Variants in PTPRD observed in about 807,000 individuals in gnomAD.
The protein encoded by PTPRD is protein tyrosine phosphatase receptor type D.
A neutral mutation model predicts 214.5 loss-of-function variants in PTPRD; 34 were observed. That is an observed-to-expected ratio of 0.16 (90% CI 0.12 to 0.21). The LOEUF (loss-of-function observed/expected upper bound fraction) is 0.21. Ranked by LOEUF, PTPRD falls within the 10% of genes least tolerant of loss-of-function variation. The probability of loss-of-function intolerance (pLI) is 1.00; values close to 1 mark genes in which losing one functional copy is unlikely to be tolerated. For synonymous variants in PTPRD, 1,128 were observed against 845.7 expected (o/e 1.33, Z -5.79); for missense variants, 2,545 against 2,398.7 (o/e 1.06, Z -1.27).
intron 9 of PTPRD, among the ~76,000 whole-genome samples, chr9:9,374,885 TCCTA>T (rs1293092177): frequency 6.6e-6 from 1 of 152,176 alleles, no homozygotes; most frequent in Non-Finnish European, 1.5e-5. Context: ...GTTATTAATA[TCCTA>T]CCTGCTTATC....
intron 12 of PTPRD, among the ~76,000 whole-genome samples, chr9:8,677,354 A>T (rs1017826603): frequency 6.6e-6 from 1 of 152,212 alleles, no homozygotes; most frequent in East Asian, 1.9e-4. Context: ...AAAGAATGAG[A>T]TAATGTCCTT....
chr9:10,461,003 G>T (rs956936129), intron 2 of PTPRD, among the ~76,000 whole-genome samples: 1 of 151,966 alleles, frequency 6.6e-6, no homozygotes, highest in African/African-American at 2.4e-5. Flanking sequence ...CAAATAAGGG[G>T]TTAATATCCA....
intron 6 of PTPRD, among the ~76,000 whole-genome samples, chr9:9,751,988 T>C (rs954267169): frequency 6.6e-6 from 1 of 152,144 alleles, no homozygotes; most frequent in Non-Finnish European, 1.5e-5. Flanking sequence ...TGGTAGATTA[T>C]ACAACAACTA....
At chr9:10,016,465 T>C (rs1453872246) in intron 4 of PTPRD, among the ~76,000 whole-genome samples, 1 of 152,110 alleles carries the variant, frequency 6.6e-6, no homozygotes, top group Non-Finnish European at 1.5e-5. Context: ...ATGGTGTCTG[T>C]AAATCATCAA....
At position 10,390,743 on chromosome 9, in the gene PTPRD, G is replaced by C. The variant is rs142154232; in HGVS notation, c.-599-49726C>G. Among the ~76,000 whole-genome samples the C allele has an allele frequency of 1.9e-3, 293 of 151,874 alleles. 1 individual carries two copies. Among genetic ancestry groups the C allele is most frequent in the African/African-American group, 6.5e-3 (270 of 41,482 alleles). On this transcript the variant is annotated intron_variant, in intron 2 of 45. Coordinates refer to ENST00000381196, the MANE Select transcript of PTPRD (RefSeq NM_002839.4). ...CTTCTAGGAATATAACAATTTCTTG[G>C]AATAGACTAATTCCCCAGGCTTGCT...
chr9:8,524,907 G>A lies in PTPRD; in HGVS notation c.679+18C>T, dbSNP rs375871738. On this transcript the variant is annotated intron_variant, in intron 18 of 45. Coordinates refer to ENST00000381196, the MANE Select transcript of PTPRD (RefSeq NM_002839.4). ...GAGCCTGAATGAAGAAGCGATGCCA[G>A]GGTTATGTCATTCCTACCTCTGACA... 94 of 1,603,186 alleles carry A rather than the reference G, an allele frequency of 5.9e-5. No individual in the cohort carries two copies. In the South Asian group the frequency reaches 9.6e-4, roughly 16 times the overall value.
At chr9:10,246,432 T>G (rs923997390) in intron 3 of PTPRD, among the ~76,000 whole-genome samples, 1 of 152,090 alleles carries the variant, frequency 6.6e-6, no homozygotes, top group African/African-American at 2.4e-5. Context: ...GTAGTAGAGA[T>G]GGGTTTTCAC....
chr9:8,470,846 A>C (rs994837857), intron 31 of PTPRD, 149 bp downstream of exon 31: 10 of 651,680 alleles, frequency 1.5e-5, no homozygotes, highest in African/African-American at 1.1e-4. Context: ...CCCAGGGGTT[A>C]GCATGCCCAT....
At chr9:8,595,278 A>G (rs1340084656) in intron 14 of PTPRD, among the ~76,000 whole-genome samples, 1 of 151,978 alleles carries the variant, frequency 6.6e-6, no homozygotes, top group Non-Finnish European at 1.5e-5. Context: ...TCACATGATA[A>G]GCTTACTCTG....
intron 7 of PTPRD, among the ~76,000 whole-genome samples, chr9:9,687,043 C>A (rs934291103): frequency 6.6e-6 from 1 of 151,696 alleles, no homozygotes; most frequent in Non-Finnish European, 1.5e-5. Flanking sequence ...TTCTCTATCC[C>A]AGCACCTAAC....
chr9:10,583,102 A>C (rs1232694293), intron 2 of PTPRD, among the ~76,000 whole-genome samples: 2 of 152,194 alleles, frequency 1.3e-5, no homozygotes. Context: ...AGAGGTGAAG[A>C]GTTGGGTGAT....
chr9:9,634,737 G>T (rs1357187946), intron 7 of PTPRD, among the ~76,000 whole-genome samples: 1 of 152,078 alleles, frequency 6.6e-6, no homozygotes, highest in South Asian at 2.1e-4. Context: ...AGATTTCTGT[G>T]CATACTACGT....
intron 11 of PTPRD, among the ~76,000 whole-genome samples, chr9:8,769,306 TAC>T (rs1461724608): frequency 7.9e-5 from 12 of 152,244 alleles, no homozygotes; most frequent in Admixed American, 7.8e-4. Context: ...CTCACAACGC[TAC>T]AGTTTTGTAA....
At chr9:10,490,777 T>G (rs2039943311) in intron 2 of PTPRD, among the ~76,000 whole-genome samples, 1 of 152,200 alleles carries the variant, frequency 6.6e-6, no homozygotes, top group Admixed American at 6.5e-5. Context: ...GGCAAATATT[T>G]TGGTACTTGG....
intron 14 of PTPRD, among the ~76,000 whole-genome samples, chr9:8,548,213 G>A (rs749241140): frequency 5.3e-5 from 8 of 152,286 alleles, no homozygotes; most frequent in Non-Finnish European, 7.3e-5. Flanking sequence ...GGTGAAATGC[G>A]GTCACTGCTT....
intron 7 of PTPRD, among the ~76,000 whole-genome samples, chr9:9,720,160 A>T (rs564058649): frequency 6.6e-6 from 1 of 152,354 alleles, no homozygotes; most frequent in East Asian, 1.9e-4. Context: ...GACATCCTGC[A>T]TCAACATCTT....
At chr9:10,445,931 G>A (rs780574263) in intron 2 of PTPRD, among the ~76,000 whole-genome samples, 5 of 151,952 alleles carry the variant, frequency 3.3e-5, no homozygotes, top group Non-Finnish European at 5.9e-5. Flanking sequence ...TTGCTTGTTG[G>A]TTTCTTATAT....
At position 10,062,433 on chromosome 9, in the gene PTPRD, C is replaced by G. The variant is rs369365632; in HGVS notation, c.-544-28643G>C. Among the ~76,000 whole-genome samples, 8 of 152,074 alleles carry G rather than the reference C, an allele frequency of 5.3e-5. No individual in the cohort carries two copies. The South Asian group carries it at 1.7e-3, about 32-fold the overall frequency. On this transcript the variant is annotated intron_variant, in intron 3 of 45. Transcript: ENST00000381196. ...CCAGCCTGGCCAACATGGTGAAACC[C>G]CGTCTCTACTAAAAATACAAAAAAT... is the stretch of plus-strand genomic sequence containing the variant.
At chr9:9,592,193 A>G (rs2154328563) in intron 7 of PTPRD, among the ~76,000 whole-genome samples, 2 of 152,206 alleles carry the variant, frequency 1.3e-5, no homozygotes, top group South Asian at 4.1e-4. Flanking sequence ...ATACACCAAT[A>G]AAGCATATAA....
Sources: gnomAD v4.1 joint callset for allele counts (sites outside exome capture counted in the v4.1 genomes callset) on GRCh38, gnomAD v4.1.1 for gene constraint, MANE v1.5 for transcripts, NCBI Gene and HGNC (gene_info 2026-07-23, HGNC 2026-07-21) for gene names.